The following ATG4C variants were observed in gnomAD, a reference collection of about 807,000 sequenced individuals.
ATG4C encodes the protein cysteine protease ATG4C.
ATG4C carries 56 observed loss-of-function variants against 57.6 expected under a neutral mutation model. The ratio of observed to expected loss-of-function variants is 0.97; its 90% confidence interval spans 0.78 to 1.21. The LOEUF (loss-of-function observed/expected upper bound fraction) is 1.21. Among genes scored for constraint, ATG4C ranks in the 50% most tolerant of loss-of-function variants. The probability of loss-of-function intolerance (pLI) is 0.00; values close to 1 mark genes in which losing one functional copy is unlikely to be tolerated. For synonymous variants in ATG4C, 157 were observed against 174.1 expected (o/e 0.90, Z 0.78); for missense variants, 595 against 529.8 (o/e 1.12, Z -1.21).
chr1:62,836,142 A>G (rs1665992239), intron 9 of ATG4C, among the ~76,000 whole-genome samples: 1 of 152,102 alleles, frequency 6.6e-6, no homozygotes, highest in Non-Finnish European at 1.5e-5. Context: ...TATCCTGGCT[A>G]TGTGTATACA....
chr1:62,835,297 C>A, intron 9 of ATG4C: 1 of 257,642 alleles, frequency 3.9e-6, no homozygotes, highest in Non-Finnish European at 8.1e-6. Flanking sequence ...TAAATCTTAG[C>A]CTTTAGTTAG....
intron 1 of ATG4C, among the ~76,000 whole-genome samples, chr1:62,785,464 GCT>G (rs963650616): frequency 6.6e-5 from 10 of 152,060 alleles, no homozygotes; most frequent in African/African-American, 2.4e-4. Context: ...TTTAATTAAT[GCT>G]CTTTTTCTTT....
intron 10 of ATG4C, among the ~76,000 whole-genome samples, chr1:62,845,566 TTAA>T (rs1464524751): frequency 2.6e-5 from 4 of 152,200 alleles, no homozygotes; most frequent in Admixed American, 6.5e-5. Flanking sequence ...TATAGTCAAA[TTAA>T]TAATACTTTT....
intron 3 of ATG4C, among the ~76,000 whole-genome samples, chr1:62,816,155 T>C (rs1362673974): frequency 2.0e-5 from 3 of 152,206 alleles, no homozygotes; most frequent in African/African-American, 4.8e-5. Flanking sequence ...TTTTGCTGCA[T>C]ATAGGATTCT....
At chr1:62,786,649 A>T (rs1267055141) in intron 1 of ATG4C, among the ~76,000 whole-genome samples, 1 of 152,152 alleles carries the variant, frequency 6.6e-6, no homozygotes, top group Non-Finnish European at 1.5e-5. Flanking sequence ...ACATGCATTC[A>T]ATCATTTAGC....
intron 6 of ATG4C, 108 bp from the exon 7 acceptor site, chr1:62,828,932 T>G: frequency 1.1e-3 from 981 of 921,560 alleles, no homozygotes; most frequent in Non-Finnish European, 1.4e-3. Flanking sequence ...ATGCCAGAGA[T>G]GAGATAGCTG....
chr1:62,850,854 G>GTGTATGTATATATATATATATA (rs1402010901), intron 10 of ATG4C, among the ~76,000 whole-genome samples: 1 of 84,120 alleles, frequency 1.2e-5, no homozygotes, highest in African/African-American at 3.4e-5. Flanking sequence ...GTGTATGTAT[G>GTGTATGTATATATATATATATA]TATATATATA....
At chr1:62,800,674 T>TA (rs975118382) in intron 1 of ATG4C, among the ~76,000 whole-genome samples, 1 of 151,768 alleles carries the variant, frequency 6.6e-6, no homozygotes, top group Non-Finnish European at 1.5e-5. Context: ...TAGTGTCAGT[T>TA]AAAAAAAAAT....
chr1:62,818,932 C>T (rs138219207), intron 4 of ATG4C, 73 bp from the exon 5 acceptor site: 27,278 of 1,200,408 alleles, frequency 0.023, 442 homozygotes, highest in Middle Eastern at 0.065. Flanking sequence ...TTAAATGCTA[C>T]GTATTTATTT....
intron 10 of ATG4C, among the ~76,000 whole-genome samples, chr1:62,859,817 C>T (rs1666796294): frequency 6.6e-6 from 1 of 152,018 alleles, no homozygotes; most frequent in Non-Finnish European, 1.5e-5. Flanking sequence ...GCCTCAGCCT[C>T]CTGAGTAGCT....
chr1:62,790,917 A>G (rs1225774845), intron 1 of ATG4C, among the ~76,000 whole-genome samples: 2 of 152,222 alleles, frequency 1.3e-5, no homozygotes, highest in African/African-American at 2.4e-5. Flanking sequence ...AACAATAGAC[A>G]TAATTGTTGG....
chr1:62,826,260 G>A (rs1557977794), intron 6 of ATG4C, among the ~76,000 whole-genome samples: 1 of 139,992 alleles, frequency 7.1e-6, no homozygotes, highest in Non-Finnish European at 1.5e-5. Flanking sequence ...TTTTGAGATG[G>A]AGTCTAGCTC....
At chr1:62,843,688 C>T (rs187439405) in intron 10 of ATG4C, among the ~76,000 whole-genome samples, 1 of 151,926 alleles carries the variant, frequency 6.6e-6, no homozygotes, top group Non-Finnish European at 1.5e-5. Context: ...ATTGTTAAAC[C>T]AATTCAGTGT....
At chr1:62,833,478 A>G (rs1426048724) in intron 7 of ATG4C, among the ~76,000 whole-genome samples, 2 of 152,156 alleles carry the variant, frequency 1.3e-5, no homozygotes, top group Non-Finnish European at 2.9e-5. Flanking sequence ...AATTGGCTTT[A>G]AATGCAATAA....
intron 10 of ATG4C, among the ~76,000 whole-genome samples, chr1:62,861,203 A>G (rs1224936541): frequency 6.6e-6 from 1 of 152,084 alleles, no homozygotes; most frequent in Non-Finnish European, 1.5e-5. Context: ...AATTTTTTTT[A>G]AATAATAGTT....
chr1:62,806,372 T>C (rs1664879022), intron 3 of ATG4C, among the ~76,000 whole-genome samples: 2 of 152,076 alleles, frequency 1.3e-5, no homozygotes, highest in Admixed American at 6.6e-5. Context: ...ATTTTTTTTT[T>C]TGGGCAGAGG....
intron 1 of ATG4C, among the ~76,000 whole-genome samples, chr1:62,793,961 A>G (rs1256193708): frequency 6.6e-6 from 1 of 152,212 alleles, no homozygotes; most frequent in Admixed American, 6.5e-5. Flanking sequence ...GGGAGGCTCC[A>G]AGTATTCGTA....
intron 9 of ATG4C, among the ~76,000 whole-genome samples, chr1:62,838,920 T>C (rs1666083403): frequency 6.6e-6 from 1 of 152,216 alleles, no homozygotes; most frequent in Non-Finnish European, 1.5e-5. Context: ...AAAAGTTCTT[T>C]GTAGATATTA....
intron 1 of ATG4C, among the ~76,000 whole-genome samples, chr1:62,799,600 T>A (rs1664587952): frequency 6.6e-6 from 1 of 152,196 alleles, no homozygotes; most frequent in Non-Finnish European, 1.5e-5. Context: ...AATTTCTGTA[T>A]CTATCACAGC....
Sources: gnomAD v4.1 joint callset for allele counts (sites outside exome capture counted in the v4.1 genomes callset) on GRCh38, gnomAD v4.1.1 for gene constraint, MANE v1.5 for transcripts, NCBI Gene and HGNC (gene_info 2026-07-23, HGNC 2026-07-21) for gene names.